Variants in PACRG observed in about 807,000 individuals in gnomAD.
The protein encoded by PACRG is parkin coregulated gene protein.
Under a neutral mutation model 29.7 loss-of-function variants are expected in PACRG, and 29 were observed. The ratio of observed to expected loss-of-function variants is 0.98; its 90% CI spans 0.73 to 1.33. The LOEUF (loss-of-function observed/expected upper bound fraction) is 1.33, where lower values mean the gene tolerates loss of function less well. Among genes scored for constraint, PACRG ranks in the 40% most tolerant of loss-of-function variants. The pLI is 0.00. For missense variants in PACRG, 279 were observed against 316.2 expected, an observed-to-expected ratio of 0.88 and a Z score of 0.89; for synonymous variants, 116 against 118.7, an observed-to-expected ratio of 0.98 and a Z score of 0.15.
chr6:162,999,261 C>A lies in PACRG; in HGVS notation c.292-62889C>A, dbSNP rs150679530. Among the ~76,000 whole-genome samples the A allele has an allele frequency of 5.9e-4, 90 of 152,338 alleles. 3 individuals carry two copies. In the East Asian group the frequency reaches 0.017, roughly 29 times the overall value. ...AGGAAGCAGTCAGGGCATCTTCGTT[C>A]CTCTCATTAGAACTATTACGTTTCA... On this transcript the variant is annotated intron_variant, in intron 2 of 4. Coordinates refer to ENST00000366888, the MANE Select transcript of PACRG (RefSeq NM_001080379.2).
intron 1 of PACRG, among the ~76,000 whole-genome samples, chr6:162,808,992 A>G (rs375636300): frequency 6.6e-6 from 1 of 152,280 alleles, no homozygotes; most frequent in South Asian, 2.1e-4. Context: ...CTTTATTACC[A>G]TCCCAGAATT....
At chr6:163,101,802 T>C (rs897661721) in intron 4 of PACRG, among the ~76,000 whole-genome samples, 3 of 152,320 alleles carry the variant, frequency 2.0e-5, no homozygotes, top group Admixed American at 6.5e-5. Flanking sequence ...ACACAAAGAC[T>C]AATGCACCAG....
chr6:163,041,433 T>A (rs2128237373), intron 2 of PACRG, among the ~76,000 whole-genome samples: 1 of 152,344 alleles, frequency 6.6e-6, no homozygotes. Context: ...CATGCTGTTC[T>A]CATGATAATG....
intron 4 of PACRG, among the ~76,000 whole-genome samples, chr6:163,204,377 C>T (rs1284953816): frequency 6.6e-6 from 1 of 152,126 alleles, no homozygotes; most frequent in African/African-American, 2.4e-5. Flanking sequence ...ATTATATGTG[C>T]CAATACAAAA....
At chr6:163,036,414 G>A (rs1486017056) in intron 2 of PACRG, among the ~76,000 whole-genome samples, 1 of 152,174 alleles carries the variant, frequency 6.6e-6, no homozygotes, top group Non-Finnish European at 1.5e-5. Context: ...CCTGGAATGA[G>A]GCCAGATCTA....
chr6:163,232,844 G>T (rs977805464), intron 4 of PACRG, among the ~76,000 whole-genome samples: 1 of 152,152 alleles, frequency 6.6e-6, no homozygotes, highest in African/African-American at 2.4e-5. Flanking sequence ...CCCAGGAGGA[G>T]GCCCTGGCCC....
At chr6:163,072,043 A>G (rs1326944380) in intron 3 of PACRG, among the ~76,000 whole-genome samples, 1 of 15,122 alleles carries the variant, frequency 6.6e-5, no homozygotes, top group African/African-American at 2.6e-4. Context: ...ACTATTCCCA[A>G]AAAAAAAATA....
chr6:162,947,591 TAATC>T (rs1301660259), intron 2 of PACRG, among the ~76,000 whole-genome samples: 7 of 53,586 alleles, frequency 1.3e-4, no homozygotes, highest in African/African-American at 3.6e-4. Flanking sequence ...ATCATATATA[TAATC>T]ATATATATAT....
At chr6:163,048,987 T>C (rs1809703015) in intron 2 of PACRG, among the ~76,000 whole-genome samples, 1 of 152,112 alleles carries the variant, frequency 6.6e-6, no homozygotes. Flanking sequence ...CAAGGTTCTA[T>C]GTAGGTCCAT....
chr6:162,797,737 A>G (rs913740271), intron 1 of PACRG, among the ~76,000 whole-genome samples: 1 of 152,044 alleles, frequency 6.6e-6, no homozygotes, highest in South Asian at 2.1e-4. Flanking sequence ...CGTCTCTTTC[A>G]CATTATTCAT....
chr6:162,886,235 T>G (rs1460552316), intron 2 of PACRG, among the ~76,000 whole-genome samples: 1 of 152,176 alleles, frequency 6.6e-6, no homozygotes, highest in Non-Finnish European at 1.5e-5. Flanking sequence ...GCAAGCTCTT[T>G]TTTAACTTCT....
At chr6:162,908,402 A>C (rs1760567696) in intron 2 of PACRG, among the ~76,000 whole-genome samples, 1 of 152,236 alleles carries the variant, frequency 6.6e-6, no homozygotes, top group African/African-American at 2.4e-5. Context: ...AAAACAGGAA[A>C]TCCATTGGCA....
intron 2 of PACRG, among the ~76,000 whole-genome samples, chr6:163,011,700 CTT>C (rs1303268439): frequency 6.6e-6 from 1 of 152,182 alleles, no homozygotes; most frequent in African/African-American, 2.4e-5. Context: ...ACTTTTGACT[CTT>C]TAGTAAAAAC....
intron 2 of PACRG, among the ~76,000 whole-genome samples, chr6:163,037,584 T>G (rs972573954): frequency 6.6e-6 from 1 of 152,240 alleles, no homozygotes; most frequent in Non-Finnish European, 1.5e-5. Context: ...AGCTGGTCAC[T>G]GTCAGGCTCT....
chr6:163,034,304 C>T lies in PACRG; in HGVS notation c.292-27846C>T, dbSNP rs564253662. 3.3e-5 allele frequency among the ~76,000 whole-genome samples: 5 copies of T among 152,312 alleles called. 1 individual carries two copies. The South Asian group carries it at 1.0e-3, about 32-fold the overall frequency. On this transcript the variant is annotated intron_variant, in intron 2 of 4. Coordinates refer to ENST00000366888, the MANE Select transcript of PACRG (RefSeq NM_001080379.2). ...CGTACATGCCTAATTCTGTCACTCA[C>T]AGCTATTAGCAAAGAGCAAGGCAGA... is the stretch of plus-strand genomic sequence containing the variant.
intron 2 of PACRG, among the ~76,000 whole-genome samples, chr6:163,016,614 G>C (rs1225586746): frequency 6.6e-6 from 1 of 151,938 alleles, no homozygotes; most frequent in Non-Finnish European, 1.5e-5. Context: ...ATGAATATGG[G>C]GTCGAAATGA....
chr6:163,214,409 G>A (rs1781280350), intron 4 of PACRG, among the ~76,000 whole-genome samples: 1 of 151,964 alleles, frequency 6.6e-6, no homozygotes, highest in African/African-American at 2.4e-5. Context: ...TGGTTTTCCA[G>A]AAAAGGTCAC....
chr6:163,107,955 T>A (rs1815476903), intron 4 of PACRG, among the ~76,000 whole-genome samples: 1 of 152,242 alleles, frequency 6.6e-6, no homozygotes, highest in South Asian at 2.1e-4. Flanking sequence ...CCTAGATATA[T>A]AGGAATCCTG....
intron 4 of PACRG, among the ~76,000 whole-genome samples, chr6:163,200,472 C>A (rs547163291): frequency 6.6e-6 from 1 of 152,072 alleles, no homozygotes; most frequent in Non-Finnish European, 1.5e-5. Context: ...GGAGTCTAAA[C>A]GCCAAGGGTA....
Sources: gnomAD v4.1 joint callset for allele counts (sites outside exome capture counted in the v4.1 genomes callset) on GRCh38, gnomAD v4.1.1 for gene constraint, MANE v1.5 for transcripts, NCBI Gene and HGNC (gene_info 2026-07-23, HGNC 2026-07-21) for gene names.